The following SLCO1B3 variants were observed in gnomAD, a reference collection of about 807,000 sequenced individuals.
The protein encoded by SLCO1B3 is liver-specific organic anion transporter 2.
Under a neutral mutation model 71.8 loss-of-function variants are expected in SLCO1B3, and 72 were observed. The observed-to-expected ratio is 1.00, with a 90% confidence interval of 0.83 to 1.22. SLCO1B3 has a LOEUF of 1.22. Among genes scored for constraint, SLCO1B3 ranks in the 50% most tolerant of loss-of-function variants. The pLI is 0.00. For missense variants in SLCO1B3, 911 were observed against 819.7 expected (o/e 1.11, Z -1.36); for synonymous variants, 298 against 278.4 (o/e 1.07, Z -0.70).
At chr12:20,846,723 A>G (rs932678679) in intron 3 of SLCO1B3, among the ~76,000 whole-genome samples, 1 of 152,168 alleles carries the variant, frequency 6.6e-6, no homozygotes, top group Non-Finnish European at 1.5e-5. Context: ...ACTGGAAAGG[A>G]CACAAGGGAG....
chr12:20,910,828 C>G (rs888692610), intron 15 of SLCO1B3, among the ~76,000 whole-genome samples: 11 of 152,050 alleles, frequency 7.2e-5, no homozygotes, highest in Admixed American at 1.3e-4. Context: ...CTTGTTATAA[C>G]TGCTTATTAG....
intron 15 of SLCO1B3, among the ~76,000 whole-genome samples, chr12:20,908,465 A>G (rs1469284910): frequency 1.3e-5 from 2 of 152,184 alleles, no homozygotes; most frequent in African/African-American, 4.8e-5. Flanking sequence ...GTAAAATGAT[A>G]CATAACCACC....
At chr12:20,913,910 C>G (rs560405271) in intron 15 of SLCO1B3, among the ~76,000 whole-genome samples, 1 of 152,088 alleles carries the variant, frequency 6.6e-6, no homozygotes, top group Non-Finnish European at 1.5e-5. Flanking sequence ...AACTAACATG[C>G]CTAGCTAATT....
chr12:20,904,012 G>A (rs1488834354), intron 15 of SLCO1B3, among the ~76,000 whole-genome samples: 2 of 152,036 alleles, frequency 1.3e-5, no homozygotes, highest in East Asian at 3.9e-4. Flanking sequence ...GGCCAAGGTG[G>A]GTGGATCACG....
At chr12:20,818,555 G>A (rs140589948) in intron 3 of SLCO1B3, among the ~76,000 whole-genome samples, 5 of 152,116 alleles carry the variant, frequency 3.3e-5, no homozygotes, top group Admixed American at 2.6e-4. Context: ...GCAAATCCTC[G>A]AGCTTGTTGT....
chr12:20,838,010 T>C (rs968326726), intron 3 of SLCO1B3, among the ~76,000 whole-genome samples: 4 of 152,124 alleles, frequency 2.6e-5, no homozygotes, highest in African/African-American at 9.6e-5. Context: ...TGCTCTGTTG[T>C]TGGGTGCATA....
At chr12:20,899,682 T>C (rs1281874935) in intron 14 of SLCO1B3, among the ~76,000 whole-genome samples, 1 of 152,144 alleles carries the variant, frequency 6.6e-6, no homozygotes, top group Non-Finnish European at 1.5e-5. Flanking sequence ...GATACCTCAC[T>C]CCTGGAATCT....
At chr12:20,914,666 A>G (rs1866457143) in intron 15 of SLCO1B3, among the ~76,000 whole-genome samples, 1 of 151,980 alleles carries the variant, frequency 6.6e-6, no homozygotes, top group Admixed American at 6.6e-5. Flanking sequence ...CTTCTAACAA[A>G]CTTCTTTTAA....
At chr12:20,816,973 A>G (rs1039939701) in intron 3 of SLCO1B3, among the ~76,000 whole-genome samples, 2 of 152,190 alleles carry the variant, frequency 1.3e-5, no homozygotes, top group Non-Finnish European at 2.9e-5. Context: ...ACTTCTTCCT[A>G]TGCCTGTGTG....
At chr12:20,892,115 CT>C (rs1175650825) in intron 13 of SLCO1B3, among the ~76,000 whole-genome samples, 1 of 152,006 alleles carries the variant, frequency 6.6e-6, no homozygotes, top group Non-Finnish European at 1.5e-5. Context: ...TCCTTTGGAC[CT>C]TTAACAATCT....
intron 13 of SLCO1B3, among the ~76,000 whole-genome samples, chr12:20,892,802 C>T (rs1359669173): frequency 6.6e-6 from 1 of 152,016 alleles, no homozygotes; most frequent in Non-Finnish European, 1.5e-5. Context: ...TGGACGATTG[C>T]CCTGGAGGCC....
intron 3 of SLCO1B3, among the ~76,000 whole-genome samples, chr12:20,837,739 T>A (rs1231303745): frequency 6.6e-6 from 1 of 152,184 alleles, no homozygotes; most frequent in Non-Finnish European, 1.5e-5. Flanking sequence ...GAATGTGGTC[T>A]TTCTTGGTGA....
rs1285298785 is a variant in SLCO1B3, at chr12:20,877,899, G to A, written c.1098G>A (p.Gln366=). 2.5e-6 allele frequency: 4 copies of A among 1,591,850 alleles called. No individual in the cohort carries two copies. The highest frequency in any genetic ancestry group is 2.6e-6 in the Non-Finnish European group (3 of 1,171,600). ...ACGTCTTTAAATATATGGAGCAACA[G>A]TACGGTCAGTCTGCATCTCATGCTA... The part of the protein sequence containing the change: ...FTYVFKYMEQ[Q]YGQSASHANF... The change falls in exon 10 of 16, where the codon CAG becomes CAA. Residue 366 remains glutamine (Q), a synonymous_variant. Transcript: ENST00000381545.
chr12:20,838,141 A>G (rs1486709363), intron 3 of SLCO1B3, among the ~76,000 whole-genome samples: 5 of 148,774 alleles, frequency 3.4e-5, no homozygotes, highest in South Asian at 2.1e-4. Context: ...AAATTTTATT[A>G]TTATTATACT....
chr12:20,837,277 G>A (rs1404512466), intron 3 of SLCO1B3, among the ~76,000 whole-genome samples: 1 of 151,644 alleles, frequency 6.6e-6, no homozygotes, highest in Non-Finnish European at 1.5e-5. Context: ...CTTTGGTTGT[G>A]TATATTTTCT....
chr12:20,840,425 T>C (rs1864772425), intron 3 of SLCO1B3, among the ~76,000 whole-genome samples: 1 of 149,160 alleles, frequency 6.7e-6, no homozygotes, highest in African/African-American at 2.5e-5. Flanking sequence ...GGAGTCTCAC[T>C]CTGTTGCCCA....
chr12:20,894,352 TGA>T (rs1354875098), intron 13 of SLCO1B3, among the ~76,000 whole-genome samples: 2 of 152,154 alleles, frequency 1.3e-5, no homozygotes, highest in East Asian at 3.9e-4. Context: ...AGAAGTAGTG[TGA>T]GTGTGCATGC....
At chr12:20,826,710 T>G (rs1321797154) in intron 3 of SLCO1B3, among the ~76,000 whole-genome samples, 1 of 151,984 alleles carries the variant, frequency 6.6e-6, no homozygotes, top group African/African-American at 2.4e-5. Context: ...ACAAGATTCT[T>G]TCTCATATAA....
chr12:20,881,086 C>A, intron 12 of SLCO1B3, 66 bp downstream of exon 12: 2 of 1,152,284 alleles, frequency 1.7e-6, no homozygotes, highest in Non-Finnish European at 1.2e-6. Context: ...TTAATAAATA[C>A]TTATCAAATC....
Sources: gnomAD v4.1 joint callset for allele counts (sites outside exome capture counted in the v4.1 genomes callset) on GRCh38, gnomAD v4.1.1 for gene constraint, MANE v1.5 for transcripts, NCBI Gene and HGNC (gene_info 2026-07-23, HGNC 2026-07-21) for gene names.